The following BTBD8 variants were observed in gnomAD, a reference collection of about 807,000 sequenced individuals.
BTBD8 encodes the protein BTB/POZ domain-containing protein 8.
BTBD8 carries 110 observed loss-of-function variants against 162.9 expected under a neutral mutation model. The observed-to-expected ratio is 0.68, with a 90% CI of 0.58 to 0.79. The LOEUF (loss-of-function observed/expected upper bound fraction) is 0.79. Among genes scored for constraint, BTBD8 ranks in the 30% least tolerant of loss-of-function variants. BTBD8 has a pLI of 0.00. For missense variants in BTBD8, 1,905 were observed against 2,085.4 expected, an observed-to-expected ratio of 0.91 and a Z score of 1.68; for synonymous variants, 667 against 716.1, an observed-to-expected ratio of 0.93 and a Z score of 1.10.
chr1:92,085,868 G>A (rs528853019), intron 1 of BTBD8, among the ~76,000 whole-genome samples: 32 of 152,234 alleles, frequency 2.1e-4, no homozygotes, highest in African/African-American at 6.7e-4. Context: ...TACAAAGTTC[G>A]GCAGAGTCAA....
intron 4 of BTBD8, among the ~76,000 whole-genome samples, chr1:92,123,421 A>G (rs1649268410): frequency 6.6e-6 from 1 of 152,178 alleles, no homozygotes; most frequent in South Asian, 2.1e-4. Context: ...CTAGAAACTA[A>G]TTTAGGAAGA....
At chr1:92,081,362 A>C (rs539183942) in intron 1 of BTBD8, among the ~76,000 whole-genome samples, 1 of 152,316 alleles carries the variant, frequency 6.6e-6, no homozygotes, top group Admixed American at 6.5e-5. Context: ...ATCCAGCTAA[A>C]GTAATTTCAG....
At chr1:92,156,684 G>A (rs1650164195) in intron 9 of BTBD8, among the ~76,000 whole-genome samples, 1 of 152,162 alleles carries the variant, frequency 6.6e-6, no homozygotes, top group Admixed American at 6.5e-5. Flanking sequence ...TATGTGTCTA[G>A]GAATTTATCC....
chr1:92,154,792 G>A (rs1650121942), intron 9 of BTBD8, among the ~76,000 whole-genome samples: 3 of 151,960 alleles, frequency 2.0e-5, no homozygotes, highest in African/African-American at 2.4e-5. Flanking sequence ...AGTTTCACTC[G>A]TTTATGTTTG....
At chr1:92,160,759 C>T (rs534414242) in intron 9 of BTBD8, among the ~76,000 whole-genome samples, 17 of 152,214 alleles carry the variant, frequency 1.1e-4, no homozygotes, top group East Asian at 3.9e-4. Context: ...GGCAACTAGT[C>T]GCATGCAACA....
chr1:92,091,376 T>A (rs1648293897), intron 2 of BTBD8, among the ~76,000 whole-genome samples: 1 of 152,202 alleles, frequency 6.6e-6, no homozygotes, highest in African/African-American at 2.4e-5. Flanking sequence ...GGGAGTCAAT[T>A]AAACCTCTTT....
intron 9 of BTBD8, 188 bp downstream of exon 9, chr1:92,147,974 C>T: frequency 3.5e-6 from 2 of 572,940 alleles, no homozygotes; most frequent in Non-Finnish European, 6.1e-6. Flanking sequence ...GCTCATCAGT[C>T]AGGGTTGAAA....
intron 4 of BTBD8, among the ~76,000 whole-genome samples, chr1:92,111,018 G>A (rs148199297): frequency 8.9e-4 from 132 of 148,466 alleles, no homozygotes; most frequent in African/African-American, 3.2e-3. Context: ...CTAAGACAAA[G>A]TCTTGCTCTT....
chr1:92,167,066 G>A lies in BTBD8; in HGVS notation c.1231G>A (p.Glu411Lys), dbSNP rs867791146. ...AALTMASQLQ[E>K]KCIAFIVDNF... ...ACTGACCATGGCGTCTCAGCTTCAA[G>A]AAAAATGTATTGCATTTATTGTAGA... The change falls in exon 10 of 18, where the codon GAA becomes AAA. Residue 411 changes from glutamate (E) to lysine (K), a missense_variant. Transcript: ENST00000636805. The A allele has an allele frequency of 2.6e-6, 4 of 1,550,626 alleles. No individual in the cohort carries two copies. Among genetic ancestry groups the A allele is most frequent in the Non-Finnish European group, 3.5e-6 (4 of 1,147,002 alleles).
intron 2 of BTBD8, among the ~76,000 whole-genome samples, chr1:92,093,981 A>T (rs2101896872): frequency 6.6e-6 from 1 of 152,334 alleles, no homozygotes; most frequent in East Asian, 1.9e-4. Flanking sequence ...ATTAAAAGTG[A>T]TTGGAAAAGA....
intron 4 of BTBD8, chr1:92,115,372 T>A (rs1649008657): frequency 2.2e-6 from 1 of 464,252 alleles, no homozygotes; most frequent in Non-Finnish European, 4.2e-6. Context: ...TTGCTGATGA[T>A]CTTGAGGTTT....
chr1:92,118,645 CA>C (rs983868612), intron 4 of BTBD8, among the ~76,000 whole-genome samples: 5 of 151,784 alleles, frequency 3.3e-5, no homozygotes, highest in Admixed American at 2.6e-4. Flanking sequence ...CTCCTTGAAC[CA>C]GGGGTATTAT....
At chr1:92,178,250 C>A in intron 15 of BTBD8, 62 bp from the exon 16 acceptor site, 1 of 1,331,086 alleles carries the variant, frequency 7.5e-7, no homozygotes. Context: ...AGGTATTGGT[C>A]TTTTAAAAAG....
At chr1:92,093,121 A>G (rs2101896241) in intron 2 of BTBD8, among the ~76,000 whole-genome samples, 2 of 152,182 alleles carry the variant, frequency 1.3e-5, no homozygotes, top group Middle Eastern at 6.8e-3. Context: ...TTTAAGTACA[A>G]CTTAGAAAAT....
intron 2 of BTBD8, 84 bp downstream of exon 2, chr1:92,088,979 T>C: frequency 8.1e-7 from 1 of 1,234,256 alleles, no homozygotes; most frequent in Non-Finnish European, 1.1e-6. Flanking sequence ...TATTTTCATA[T>C]GTATTTTGTA....
In BTBD8 at chr1:92,184,213, G is replaced by A. The variant is rs1557470970; in HGVS notation, c.5262G>A (p.Trp1754Ter). 2 of 1,551,410 alleles carry A rather than the reference G, an allele frequency of 1.3e-6. No homozygotes were observed. The highest frequency in any genetic ancestry group is 1.7e-6 in the Non-Finnish European group (2 of 1,146,698). Reference protein sequence around the residue: ...GITHIDTLNRWSELTSPLDSS... With the variant: ...GITHIDTLNR ...CACATATTGACACTTTGAACAGATG[G>A]AGTGAACTAACATCTCCACTTGATT... Residue 1754 changes from tryptophan (W) to a stop codon, truncating the protein, a stop_gained, in exon 18 of 18, where the codon TGG (tryptophan) becomes TGA (stop). Transcript: ENST00000636805. LOFTEE classifies it high-confidence loss of function.
chr1:92,125,247 T>G (rs1649323585), intron 4 of BTBD8: 4 of 155,082 alleles, frequency 2.6e-5, no homozygotes, highest in Non-Finnish European at 2.8e-5. Flanking sequence ...GGAGAGGGAG[T>G]GAAGAGCAGA....
At chr1:92,116,520 T>C (rs1222516091) in intron 4 of BTBD8, among the ~76,000 whole-genome samples, 1 of 152,078 alleles carries the variant, frequency 6.6e-6, no homozygotes, top group Non-Finnish European at 1.5e-5. Flanking sequence ...ATTTGTTACA[T>C]ACACATTTGG....
At chr1:92,108,373 T>A (rs1465341473) in intron 4 of BTBD8, among the ~76,000 whole-genome samples, 1 of 152,248 alleles carries the variant, frequency 6.6e-6, no homozygotes, top group East Asian at 1.9e-4. Flanking sequence ...GAAAATGTAG[T>A]TAAATGCAGT....
Sources: gnomAD v4.1 joint callset for allele counts (sites outside exome capture counted in the v4.1 genomes callset) on GRCh38, gnomAD v4.1.1 for gene constraint, MANE v1.5 for transcripts, NCBI Gene and HGNC (gene_info 2026-07-23, HGNC 2026-07-21) for gene names.